The following TRPV1 variants were observed in gnomAD, a reference collection of about 807,000 sequenced individuals.
The protein encoded by TRPV1 is transient receptor potential cation channel subfamily V member 1, also known as OTRPC1.
In TRPV1, 82 loss-of-function variants were observed where a neutral mutation model predicts 82.3. The ratio of observed to expected loss-of-function variants is 1.00; its 90% CI spans 0.83 to 1.20. TRPV1 has a LOEUF of 1.20. Among genes scored for constraint, TRPV1 ranks in the 50% most tolerant of loss-of-function variants. TRPV1 has a pLI of 0.00. For missense variants in TRPV1, 1,067 were observed against 1,096.8 expected, an observed-to-expected ratio of 0.97 and a Z score of 0.38; for synonymous variants, 515 against 467.7, an observed-to-expected ratio of 1.10 and a Z score of -1.30.
rs776903592 is a variant in TRPV1, at chr17:3,588,212, G to A, written c.1200C>T (p.Ile400=). ...TCEKNSVLEV[I]AYSSSETPNR... ...CAGGGGTCTCGCTGCTGCTGTAGGC[G>A]ATCACCTCCAGCACCGAGTTCTTCT... Residue 400 remains isoleucine, a synonymous_variant, in exon 8 of 17, where the codon ATC becomes ATT. Transcript: ENST00000572705. 17 of 1,570,996 alleles carry A rather than the reference G, an allele frequency of 1.1e-5. No homozygotes were observed. Among genetic ancestry groups the A allele is most frequent in the African/African-American group, 5.4e-5 (4 of 73,744 alleles).
chr17:3,591,920 A>C (rs161386), intron 3 of TRPV1, 147 bp downstream of exon 3: 2 of 1,218,570 alleles, frequency 1.6e-6, no homozygotes, highest in Non-Finnish European at 2.2e-6. Context: ...ACGAGGTCAC[A>C]TGAGGAAGGA....
chr17:3,589,003 G>C, intron 7 of TRPV1: 1 of 1,523,988 alleles, frequency 6.6e-7, no homozygotes, highest in Non-Finnish European at 8.8e-7. Context: ...CAAGAAATGA[G>C]AGCCAGATGG....
Position 3,585,946 on chromosome 17 carries a change from G to A in TRPV1, c.1225-20C>T, listed in dbSNP as rs370499608. 2 of 1,613,200 alleles carry A rather than the reference G, an allele frequency of 1.2e-6. No individual in the cohort carries two copies. The highest frequency in any genetic ancestry group is 2.7e-5 in the African/African-American group (2 of 74,900). Reference sequence around the variant, plus strand: ...GCGATTCTAGGGGGTGGGGAGAGAAGTGAGGTTCCCTCCTGCAGCAGGAAC... The same window carrying A: ...GCGATTCTAGGGGGTGGGGAGAGAAATGAGGTTCCCTCCTGCAGCAGGAAC... On this transcript the variant is annotated intron_variant, in intron 8 of 16. Transcript: ENST00000572705.
chr17:3,592,208 CGGGT>C lies in TRPV1; in HGVS notation c.139_142del (p.Thr47GlyfsTer113). On this transcript the variant is annotated frameshift_variant, in exon 3 of 17. Transcript: ENST00000572705. LOFTEE classifies it high-confidence loss of function. ...CTCCGAGTCACCCTTCCCAAAGAGC[CGGGT>C]GCGGCTCTTGGCCGTGGAGAGCTGG... 6.2e-7 allele frequency: 1 copy of C among 1,613,024 alleles called. No individual in the cohort carries two copies. Among genetic ancestry groups the C allele is most frequent in the Non-Finnish European group, 8.5e-7 (1 of 1,179,502 alleles).
intron 9 of TRPV1, 170 bp downstream of exon 9, chr17:3,585,598 A>T: frequency 1.3e-6 from 1 of 774,352 alleles, no homozygotes; most frequent in Non-Finnish European, 2.0e-6. Flanking sequence ...GGCAGGGGAG[A>T]TGGGCGCAGG....
intron 11 of TRPV1, 79 bp downstream of exon 11, chr17:3,580,378 G>A (rs1227786279): frequency 1.0e-5 from 15 of 1,466,214 alleles, no homozygotes; most frequent in East Asian, 4.5e-5. Context: ...TGCCAGGCCC[G>A]GCGTGAGTGA....
At chr17:3,571,220 A>G (rs1285995821) in intron 16 of TRPV1, among the ~76,000 whole-genome samples, 1 of 152,202 alleles carries the variant, frequency 6.6e-6, no homozygotes, top group African/African-American at 2.4e-5. Context: ...ACAAGGAGGC[A>G]GGGCGGGGCT....
chr17:3,572,932 A>G (rs965340846), intron 14 of TRPV1, among the ~76,000 whole-genome samples: 12 of 148,088 alleles, frequency 8.1e-5, no homozygotes, highest in Admixed American at 6.8e-5. Context: ...GCAGTCAGCC[A>G]AGATCATGCC....
intron 13 of TRPV1, among the ~76,000 whole-genome samples, chr17:3,575,941 C>T (rs1009317569): frequency 1.4e-4 from 21 of 152,058 alleles, no homozygotes; most frequent in Admixed American, 7.9e-4. Flanking sequence ...TTAAAGAAGA[C>T]TAAGGTCAGG....
chr17:3,579,415 C>T (rs1025985072), intron 11 of TRPV1, among the ~76,000 whole-genome samples: 6 of 152,096 alleles, frequency 3.9e-5, no homozygotes, highest in Non-Finnish European at 8.8e-5. Flanking sequence ...TCGGTGCACA[C>T]TGGGGCTTGA....
Position 3,591,058 on chromosome 17 carries a change from C to T in TRPV1, c.510G>A (p.Gln170=), listed in dbSNP as rs767891044. Residue 170 remains glutamine (Q), a synonymous_variant, in exon 5 of 17, where the codon CAG becomes CAA. Transcript: ENST00000572705. The part of the protein sequence containing the change: ...LKAMLNLHDG[Q]NTTIPLLLEI... ...CCAGGAGCAGGGGGATGGTGGTGTT[C>T]TGTCCGTCGTGCAGGTTGAGCATGG... 1 of 1,613,138 alleles carries T rather than the reference C, an allele frequency of 6.2e-7. No homozygotes were observed. Among genetic ancestry groups the T allele is most frequent in the Non-Finnish European group, 8.5e-7 (1 of 1,179,642 alleles).
rs1169544818 is a variant in TRPV1 at position 3,573,918 on chromosome 17, G to A, written c.1818C>T (p.Ser606=). 9 of 1,606,928 alleles carry A rather than the reference G, an allele frequency of 5.6e-6. No homozygotes were observed. In the Admixed American group the frequency reaches 6.9e-5, roughly 12 times the overall value. ...VTLIEDGKND[S]LPSESTSHRW... The stretch of plus-strand genomic sequence containing the variant: ...TGTGCGACGTGGACTCAGACGGCAG[G>A]GAGTCATTCTTCCCGTCTTCAATCA... Residue 606 remains serine (S), a synonymous_variant, in exon 14 of 17, where the codon TCC becomes TCT. Transcript: ENST00000572705.
intron 16 of TRPV1, among the ~76,000 whole-genome samples, chr17:3,570,852 TACAGG>T: frequency 6.6e-6 from 1 of 152,168 alleles, no homozygotes; most frequent in Non-Finnish European, 1.5e-5. Flanking sequence ...TAGCTGGGAT[TACAGG>T]TGCCTGCCAC....
At position 3,590,333 on chromosome 17, in the gene TRPV1, C is replaced by T. The variant is rs768953121; in HGVS notation, c.664G>A (p.Val222Met). 4 of 1,613,998 alleles carry T rather than the reference C, an allele frequency of 2.5e-6. No individual in the cohort carries two copies. The highest frequency in any genetic ancestry group is 2.2e-5 in the South Asian group (2 of 91,082). Residue 222 changes from valine to methionine, a missense_variant, in exon 6 of 17, where the codon GTG becomes ATG. Physicochemically the swap from Val to Met is conservative, Grantham distance 21 (BLOSUM62 1). Coordinates refer to ENST00000572705, the MANE Select transcript of TRPV1 (RefSeq NM_080704.4). ...RRNMALVTLLVENGADVQAAA... is the reference protein window; with the variant it reads ...RRNMALVTLLMENGADVQAAA... Reference sequence around the variant, plus strand: ...GCCTGGACGTCTGCTCCGTTCTCCACCAGGAGGGTCACCAGGGCCATGTTG... The same window carrying T: ...GCCTGGACGTCTGCTCCGTTCTCCATCAGGAGGGTCACCAGGGCCATGTTG...
intron 13 of TRPV1, among the ~76,000 whole-genome samples, chr17:3,575,382 C>G (rs2074916533): frequency 6.6e-6 from 1 of 152,054 alleles, no homozygotes; most frequent in Non-Finnish European, 1.5e-5. Flanking sequence ...ACCTGGAAGG[C>G]TGAGGCAGGA....
In TRPV1 at chr17:3,566,077, CAGA is replaced by C. The variant is rs1349752696; in HGVS notation, c.*735_*737del. 6.6e-6 allele frequency: 1 copy of C among 151,356 alleles called. No individual in the cohort carries two copies. The highest frequency in any genetic ancestry group is 1.5e-5 in the Non-Finnish European group (1 of 68,040). The allele number at this position is 151,356 out of a possible 1,614,324, so 9.4% of individuals were successfully genotyped here. A position where few individuals can be genotyped will look rare whatever the true frequency, so the allele number is the denominator to read the frequency against. On this transcript the variant is annotated 3_prime_UTR_variant, in exon 17 of 17. Coordinates refer to ENST00000572705, the MANE Select transcript of TRPV1 (RefSeq NM_080704.4). The stretch of plus-strand genomic sequence containing the variant: ...ATCCAAGCTACTTGGGAGACTGAAG[CAGA>C]AGAATCGCTTGAACCCGGGAGGCAG...
rs3840876 is a variant in TRPV1 at position 3,609,322 on chromosome 17, T to TGAGAGAGAGAGAGAGAGAGAGAGAGA, written c.-212_-187dup. The TGAGAGAGAGAGAGAGAGAGAGAGAGA allele has an allele frequency of 1.5e-4, 23 of 148,564 alleles. No homozygotes were observed. The highest frequency in any genetic ancestry group is 5.3e-4 in the African/African-American group (21 of 39,896). 9.2% of individuals were successfully genotyped at this position (148,564 alleles called of 1,614,324 possible). A position where few individuals can be genotyped will look rare whatever the true frequency, so the allele number is the denominator to read the frequency against. ...TATGTTTCATACCTGTCATGGATAC[T>TGAGAGAGAGAGAGAGAGAGAGAGAGA]GAGAGAGAGAGAGAGAGAGAGAGAG... is the stretch of plus-strand genomic sequence containing the variant. On this transcript the variant is annotated 5_prime_UTR_variant, in exon 1 of 17. Coordinates refer to ENST00000572705, the MANE Select transcript of TRPV1 (RefSeq NM_080704.4).
chr17:3,582,901 C>T (rs972966506), intron 10 of TRPV1, among the ~76,000 whole-genome samples: 3 of 149,624 alleles, frequency 2.0e-5, no homozygotes, highest in Admixed American at 6.8e-5. Context: ...GAGCCGAGAT[C>T]GTGCCACTAG....
At position 3,583,429 on chromosome 17, in the gene TRPV1, G is replaced by A. The variant is rs1160011369; in HGVS notation, c.1385C>T (p.Pro462Leu). 6 of 1,597,854 alleles carry A rather than the reference G, an allele frequency of 3.8e-6. No individual in the cohort carries two copies. The highest frequency in any genetic ancestry group is 5.1e-6 in the Non-Finnish European group (6 of 1,171,520). Reference protein sequence around the residue: ...AAYYRPVDGLPPFKMEKTGDY... With the variant: ...AAYYRPVDGLLPFKMEKTGDY... ...TCCAGTTTTTTCCATCTTAAAGGGA[G>A]GCTGTGAGATGCAGAGAAGTTGGTA... Residue 462 changes from proline to leucine, a missense_variant and splice_region_variant, in exon 10 of 17, where the codon CCT becomes CTT. Coordinates refer to ENST00000572705, the MANE Select transcript of TRPV1 (RefSeq NM_080704.4).
Sources: allele counts gnomAD v4.1 joint callset (sites outside exome capture counted in the v4.1 genomes callset), GRCh38; gene constraint gnomAD v4.1.1; transcripts MANE v1.5; gene names NCBI Gene and HGNC (gene_info 2026-07-23, HGNC 2026-07-21).